FGF2: variants seen among roughly 807,000 people sequenced by gnomAD.
The protein encoded by FGF2 is fibroblast growth factor 2, also known as basic fibroblast growth factor bFGF.
A neutral mutation model predicts 15.9 loss-of-function variants in FGF2; 13 were observed. The ratio of observed to expected loss-of-function variants is 0.82; its 90% CI spans 0.53 to 1.30. The LOEUF (loss-of-function observed/expected upper bound fraction) is 1.30. FGF2 is among the 50% of genes most tolerant of loss of function. The probability of loss-of-function intolerance (pLI) is 0.00; values close to 1 mark genes in which losing one functional copy is unlikely to be tolerated. For synonymous variants in FGF2, 90 were observed against 78.4 expected (o/e 1.15, Z -0.78); for missense variants, 163 against 196.9 (o/e 0.83, Z 1.03).
intron 1 of FGF2, among the ~76,000 whole-genome samples, chr4:122,853,365 A>T (rs1726274337): frequency 6.6e-6 from 1 of 152,200 alleles, no homozygotes; most frequent in South Asian, 2.1e-4. Flanking sequence ...CACCCTCCAG[A>T]ATCAGAGTGT....
intron 1 of FGF2, among the ~76,000 whole-genome samples, chr4:122,853,807 T>C (rs543815311): frequency 6.6e-6 from 1 of 152,350 alleles, no homozygotes; most frequent in East Asian, 1.9e-4. Flanking sequence ...TAAGCAAAAC[T>C]TACCTAATTC....
At chr4:122,855,482 C>T (rs1436231861) in intron 1 of FGF2, among the ~76,000 whole-genome samples, 2 of 152,088 alleles carry the variant, frequency 1.3e-5, no homozygotes, top group Non-Finnish European at 2.9e-5. Context: ...AAAGTATTGC[C>T]AACCCTGACT....
intron 1 of FGF2, among the ~76,000 whole-genome samples, chr4:122,829,644 G>C (rs1725718498): frequency 6.6e-6 from 1 of 152,016 alleles, no homozygotes. Context: ...AAATTTTGTT[G>C]CACCCATCAC....
At chr4:122,829,909 G>C (rs150151678) in intron 1 of FGF2, among the ~76,000 whole-genome samples, 1 of 152,112 alleles carries the variant, frequency 6.6e-6, no homozygotes, top group African/African-American at 2.4e-5. Flanking sequence ...ACCATGAGGA[G>C]ACCCCCCAAA....
intron 2 of FGF2, among the ~76,000 whole-genome samples, chr4:122,884,112 A>T (rs1296853745): frequency 2.0e-5 from 3 of 152,252 alleles, no homozygotes; most frequent in African/African-American, 7.2e-5. Context: ...ACTAGAAAAA[A>T]TACAAAGGTT....
chr4:122,836,690 C>T (rs747043528), intron 1 of FGF2, among the ~76,000 whole-genome samples: 1 of 152,168 alleles, frequency 6.6e-6, no homozygotes, highest in South Asian at 2.1e-4. Context: ...AAAAGGTTCA[C>T]TCTATATTTG....
At chr4:122,841,607 G>T (rs1725985440) in intron 1 of FGF2, among the ~76,000 whole-genome samples, 1 of 152,092 alleles carries the variant, frequency 6.6e-6, no homozygotes, top group African/African-American at 2.4e-5. Flanking sequence ...AAAAATAAAG[G>T]TGATATAGAT....
chr4:122,870,447 C>T (rs1726706629), intron 1 of FGF2, among the ~76,000 whole-genome samples: 1 of 152,156 alleles, frequency 6.6e-6, no homozygotes, highest in Non-Finnish European at 1.5e-5. Context: ...AGCTGTGAAT[C>T]TGTCTGGTCC....
At chr4:122,845,198 T>C (rs529794885) in intron 1 of FGF2, among the ~76,000 whole-genome samples, 1 of 152,246 alleles carries the variant, frequency 6.6e-6, no homozygotes, top group East Asian at 1.9e-4. Flanking sequence ...TGAGCAGTAG[T>C]CTCAAAAGTG....
intron 1 of FGF2, among the ~76,000 whole-genome samples, chr4:122,871,619 G>A (rs928385599): frequency 6.6e-6 from 1 of 151,950 alleles, no homozygotes; most frequent in South Asian, 2.1e-4. Flanking sequence ...GGTGCTCCTC[G>A]AGGTCAGAGG....
At chr4:122,858,034 CCTTT>C (rs1435237536) in intron 1 of FGF2, among the ~76,000 whole-genome samples, 2 of 152,110 alleles carry the variant, frequency 1.3e-5, no homozygotes, top group Non-Finnish European at 2.9e-5. Context: ...TAGCTCCCTT[CCTTT>C]CTTTCTTTAA....
intron 1 of FGF2, among the ~76,000 whole-genome samples, chr4:122,860,481 A>T (rs1726439024): frequency 7.3e-6 from 1 of 136,828 alleles, no homozygotes; most frequent in Non-Finnish European, 1.5e-5. Flanking sequence ...TTGAGACAAG[A>T]TCCTGCTCTG....
intron 1 of FGF2, among the ~76,000 whole-genome samples, chr4:122,850,388 G>A (rs1726205272): frequency 6.6e-6 from 1 of 152,192 alleles, no homozygotes; most frequent in Non-Finnish European, 1.5e-5. Context: ...TGAGATAAGA[G>A]ATTTCGATTC....
chr4:122,842,169 C>A (rs1412013190), intron 1 of FGF2, among the ~76,000 whole-genome samples: 1 of 152,096 alleles, frequency 6.6e-6, no homozygotes, highest in Non-Finnish European at 1.5e-5. Flanking sequence ...GACAGCAGAA[C>A]CTTTCTAAAG....
chr4:122,841,485 C>T (rs1725982805), intron 1 of FGF2, among the ~76,000 whole-genome samples: 2 of 152,106 alleles, frequency 1.3e-5, no homozygotes, highest in Admixed American at 1.3e-4. Flanking sequence ...ATTCCTCCAA[C>T]CTTTGGACAG....
rs28687896 is a variant in FGF2, at chr4:122,847,297, G to C, written c.178+19945G>C. On this transcript the variant is annotated intron_variant, in intron 1 of 2. Coordinates refer to ENST00000644866, the MANE Select transcript of FGF2 (RefSeq NM_001361665.2). Reference sequence around the variant, plus strand: ...TTATACTCACGGAACAATGACTTGGGAGAGACAGGAAAGGCCTGGATCAGA... The same window carrying C: ...TTATACTCACGGAACAATGACTTGGCAGAGACAGGAAAGGCCTGGATCAGA... 3.9e-5 allele frequency among the ~76,000 whole-genome samples: 6 copies of C among 152,296 alleles called. No homozygotes were observed. In the East Asian group the frequency reaches 9.7e-4, roughly 25 times the overall value.
At chr4:122,835,978 C>CTG (rs1725857585) in intron 1 of FGF2, among the ~76,000 whole-genome samples, 1 of 152,208 alleles carries the variant, frequency 6.6e-6, no homozygotes, top group Admixed American at 6.5e-5. Flanking sequence ...TCACCTTTCT[C>CTG]TGGAAAAATC....
At chr4:122,865,776 T>C (rs1323165059) in intron 1 of FGF2, among the ~76,000 whole-genome samples, 1 of 152,230 alleles carries the variant, frequency 6.6e-6, no homozygotes, top group African/African-American at 2.4e-5. Context: ...GAAAAGAATG[T>C]AGATTCTGCA....
intron 1 of FGF2, among the ~76,000 whole-genome samples, chr4:122,870,993 GC>G (rs1184000619): frequency 6.6e-6 from 1 of 151,988 alleles, no homozygotes; most frequent in Non-Finnish European, 1.5e-5. Flanking sequence ...TACTGCTTTA[GC>G]TGTGTCTCAA....
Sources: gnomAD v4.1 joint callset for allele counts (sites outside exome capture counted in the v4.1 genomes callset) on GRCh38, gnomAD v4.1.1 for gene constraint, MANE v1.5 for transcripts, NCBI Gene and HGNC (gene_info 2026-07-23, HGNC 2026-07-21) for gene names.